DLGAP4: variants seen among roughly 807,000 people sequenced by gnomAD.
DLGAP4 encodes disks large-associated protein 4.
A neutral mutation model predicts 86.9 loss-of-function variants in DLGAP4; 18 were observed. The ratio of observed to expected loss-of-function variants is 0.21; its 90% CI spans 0.14 to 0.31. The LOEUF (loss-of-function observed/expected upper bound fraction) is 0.31, where lower values mean the gene tolerates loss of function less well. Ranked by LOEUF, DLGAP4 falls within the 10% of genes least tolerant of loss-of-function variation. The pLI is 1.00. For missense variants in DLGAP4, 1,085 were observed against 1,362.6 expected, an observed-to-expected ratio of 0.80 and a Z score of 3.21; for synonymous variants, 548 against 574.3, an observed-to-expected ratio of 0.95 and a Z score of 0.65.
intron 1 of DLGAP4, among the ~76,000 whole-genome samples, chr20:36,325,333 C>G (rs2065205716): frequency 6.6e-6 from 1 of 152,032 alleles, no homozygotes; most frequent in Non-Finnish European, 1.5e-5. Flanking sequence ...TTTTGCATAA[C>G]TTTAATCTTC....
chr20:36,457,994 G>A (rs906866005), intron 7 of DLGAP4, among the ~76,000 whole-genome samples: 1 of 152,140 alleles, frequency 6.6e-6, no homozygotes. Context: ...CAGGCGGGGG[G>A]TGAGTGGTAC....
At chr20:36,353,454 T>C (rs2030226189) in intron 1 of DLGAP4, among the ~76,000 whole-genome samples, 1 of 152,238 alleles carries the variant, frequency 6.6e-6, no homozygotes, top group Non-Finnish European at 1.5e-5. Context: ...GAAGGCCCCT[T>C]CTGCTGTCTC....
intron 1 of DLGAP4, among the ~76,000 whole-genome samples, chr20:36,344,692 G>A (rs1285364159): frequency 6.6e-6 from 1 of 152,232 alleles, no homozygotes; most frequent in African/African-American, 2.4e-5. Context: ...TTGGGAGCCT[G>A]GTTGGGATTT....
At chr20:36,339,762 C>T (rs1220420020) in intron 1 of DLGAP4, among the ~76,000 whole-genome samples, 2 of 152,198 alleles carry the variant, frequency 1.3e-5, no homozygotes, top group African/African-American at 2.4e-5. Flanking sequence ...GCAGGACCAG[C>T]AGTGTGGCAT....
At chr20:36,349,629 G>C (rs888443594) in intron 1 of DLGAP4, among the ~76,000 whole-genome samples, 59 of 152,204 alleles carry the variant, frequency 3.9e-4, no homozygotes, top group African/African-American at 1.3e-3. Context: ...GGCCGGAGCT[G>C]CTGCAGCAAC....
intron 2 of DLGAP4, among the ~76,000 whole-genome samples, chr20:36,395,502 T>TA (rs1555897804): frequency 2.6e-5 from 4 of 152,000 alleles, no homozygotes; most frequent in Admixed American, 2.6e-4. Context: ...CTGCCTTTTT[T>TA]TTATTATTAT....
At chr20:36,442,598 C>A in intron 5 of DLGAP4, 129 bp from the exon 6 acceptor site, 2 of 981,390 alleles carry the variant, frequency 2.0e-6, no homozygotes, top group Non-Finnish European at 3.2e-6. Flanking sequence ...CTCCTAGCAG[C>A]TGTGTCCCAG....
chr20:36,380,596 AGAGAGAGAGAGAGAGAGAGAGAGAGAG>A (rs2031342526), intron 2 of DLGAP4, among the ~76,000 whole-genome samples: 2 of 464 alleles, frequency 4.3e-3, no homozygotes, highest in African/African-American at 0.036. Context: ...TGCATTAAAG[AGAGAGAGAGAGAGAGAGAGAGAGAGAG>A]AGAGAGAGAG....
intron 10 of DLGAP4, among the ~76,000 whole-genome samples, chr20:36,516,507 A>G (rs185699665): frequency 2.8e-3 from 421 of 151,892 alleles, no homozygotes; most frequent in Non-Finnish European, 4.3e-3. Flanking sequence ...CTTTACTAAA[A>G]TACAAAAAGT....
intron 10 of DLGAP4, among the ~76,000 whole-genome samples, chr20:36,504,821 C>T (rs2036290490): frequency 1.3e-5 from 2 of 152,172 alleles, no homozygotes; most frequent in Admixed American, 1.3e-4. Context: ...TGGCTAAGGC[C>T]TTCGCCCATT....
chr20:36,433,717 T>A (rs1037755430), intron 3 of DLGAP4, among the ~76,000 whole-genome samples: 1 of 152,018 alleles, frequency 6.6e-6, no homozygotes, highest in African/African-American at 2.4e-5. Context: ...AGTGGCGCGA[T>A]CTCGGCTCAC....
At chr20:36,427,623 T>C (rs181117103) in intron 2 of DLGAP4, among the ~76,000 whole-genome samples, 2 of 152,210 alleles carry the variant, frequency 1.3e-5, no homozygotes, top group Admixed American at 1.3e-4. Flanking sequence ...TTATGTTACA[T>C]TAATTTCTCC....
chr20:36,346,126 A>C (rs1555892948), intron 1 of DLGAP4, among the ~76,000 whole-genome samples: 1 of 152,066 alleles, frequency 6.6e-6, no homozygotes, highest in African/African-American at 2.4e-5. Flanking sequence ...GAAATTTAGC[A>C]TAAATTGTAA....
chr20:36,506,907 A>T (rs2036405831), intron 10 of DLGAP4, among the ~76,000 whole-genome samples: 1 of 152,182 alleles, frequency 6.6e-6, no homozygotes, highest in Admixed American at 6.5e-5. Flanking sequence ...ATGTAAGTGG[A>T]ACCATGCAGC....
intron 7 of DLGAP4, among the ~76,000 whole-genome samples, chr20:36,451,214 A>G (rs1408369516): frequency 6.6e-6 from 1 of 152,202 alleles, no homozygotes; most frequent in East Asian, 1.9e-4. Flanking sequence ...TCGAGTGCCA[A>G]AAGCCATACC....
At chr20:36,313,178 G>C (rs958552086) in intron 1 of DLGAP4, among the ~76,000 whole-genome samples, 75 of 152,220 alleles carry the variant, frequency 4.9e-4, no homozygotes, top group African/African-American at 1.8e-3. Context: ...TTCCCCCACT[G>C]CAGGCTGACT....
At chr20:36,484,039 T>C (rs1410089888) in intron 7 of DLGAP4, among the ~76,000 whole-genome samples, 1 of 152,242 alleles carries the variant, frequency 6.6e-6, no homozygotes, top group African/African-American at 2.4e-5. Context: ...AAAGAGCAGC[T>C]AAATGCACTG....
chr20:36,416,725 A>G (rs116974109), intron 2 of DLGAP4, among the ~76,000 whole-genome samples: 1,773 of 152,304 alleles, frequency 0.012, 22 homozygotes, highest in Non-Finnish European at 0.016. Context: ...TAAGCAGGGA[A>G]AGGCTTGGCT....
At chr20:36,341,977 A>G (rs1262626475) in intron 1 of DLGAP4, among the ~76,000 whole-genome samples, 1 of 152,180 alleles carries the variant, frequency 6.6e-6, no homozygotes, top group East Asian at 1.9e-4. Flanking sequence ...AGCAGATTGA[A>G]GAGTGGGAAC....
Sources: gnomAD v4.1 joint callset for allele counts (sites outside exome capture counted in the v4.1 genomes callset) on GRCh38, gnomAD v4.1.1 for gene constraint, MANE v1.5 for transcripts, NCBI Gene and HGNC (gene_info 2026-07-23, HGNC 2026-07-21) for gene names.